Variants in CCNY observed in about 807,000 individuals in gnomAD.
CCNY encodes the protein cyclin Y.
In CCNY, 19 loss-of-function variants were observed where a neutral mutation model predicts 42.8. The observed-to-expected ratio is 0.44, with a 90% CI of 0.31 to 0.65. CCNY has a LOEUF of 0.65. Among genes scored for constraint, CCNY ranks in the 30% least tolerant of loss-of-function variants. CCNY has a pLI of 0.07. For synonymous variants in CCNY, 165 were observed against 162.7 expected, an observed-to-expected ratio of 1.01 and a Z score of -0.11; for missense variants, 370 against 437.3, an observed-to-expected ratio of 0.85 and a Z score of 1.37.
intron 1 of CCNY, among the ~76,000 whole-genome samples, chr10:35,373,164 C>A (rs1001411031): frequency 6.6e-6 from 1 of 152,134 alleles, no homozygotes; most frequent in Non-Finnish European, 1.5e-5. Flanking sequence ...GAATCCTGGC[C>A]CTGCTTCTTC....
intron 3 of CCNY, chr10:35,251,025 A>G (rs2095711616): frequency 6.6e-6 from 1 of 152,228 alleles, no homozygotes; most frequent in African/African-American, 2.4e-5. Flanking sequence ...ATCTTCTCGT[A>G]TCATTCCCAT....
chr10:35,340,065 A>T (rs1836141874), intron 1 of CCNY, among the ~76,000 whole-genome samples: 2 of 152,218 alleles, frequency 1.3e-5, no homozygotes, highest in South Asian at 4.1e-4. Context: ...CGCTCTAAGT[A>T]CTTGGATTCC....
chr10:35,300,299 C>T (rs1461183865), intron 3 of CCNY, among the ~76,000 whole-genome samples: 2 of 152,122 alleles, frequency 1.3e-5, no homozygotes, highest in African/African-American at 4.8e-5. Flanking sequence ...AAGGCTGCCA[C>T]GCCCTGCCTG....
chr10:35,511,681 G>C (rs921043467), intron 3 of CCNY, among the ~76,000 whole-genome samples: 4 of 152,222 alleles, frequency 2.6e-5, no homozygotes, highest in African/African-American at 9.7e-5. Flanking sequence ...CTACCCTGCA[G>C]TGCAGGGCTC....
intron 7 of CCNY, among the ~76,000 whole-genome samples, chr10:35,541,468 G>A (rs1372288442): frequency 2.0e-5 from 3 of 152,166 alleles, no homozygotes; most frequent in African/African-American, 7.2e-5. Flanking sequence ...ACCATTCATG[G>A]CTCTCTGCAG....
chr10:35,331,771 T>C (rs1321527026), upstream of CCNY, among the ~76,000 whole-genome samples: 2 of 152,230 alleles, frequency 1.3e-5, no homozygotes, highest in African/African-American at 4.8e-5. Flanking sequence ...CATATAAATA[T>C]ATTTCTCATG....
At chr10:35,272,338 T>C (rs1486564611) in intron 3 of CCNY, among the ~76,000 whole-genome samples, 1 of 152,140 alleles carries the variant, frequency 6.6e-6, no homozygotes, top group African/African-American at 2.4e-5. Flanking sequence ...GCAGGTTTGT[T>C]ACATAGATAA....
intron 1 of CCNY, among the ~76,000 whole-genome samples, chr10:35,351,686 T>G (rs1204124512): frequency 2.0e-5 from 3 of 152,248 alleles, no homozygotes; most frequent in Non-Finnish European, 4.4e-5. Context: ...TTAAGAATTT[T>G]TATTTTAAGT....
At chr10:35,479,021 G>A (rs1839591628) in intron 1 of CCNY, among the ~76,000 whole-genome samples, 1 of 152,146 alleles carries the variant, frequency 6.6e-6, no homozygotes, top group African/African-American at 2.4e-5. Context: ...ACCATCACTG[G>A]CCATCAGAGA....
At chr10:35,443,488 C>A (rs1435287104) in intron 1 of CCNY, among the ~76,000 whole-genome samples, 1 of 152,076 alleles carries the variant, frequency 6.6e-6, no homozygotes, top group Non-Finnish European at 1.5e-5. Context: ...ATTAGCCAGG[C>A]CTACACAGGG....
At chr10:35,468,586 G>A (rs1360813333) in intron 1 of CCNY, among the ~76,000 whole-genome samples, 4 of 151,948 alleles carry the variant, frequency 2.6e-5, no homozygotes, top group South Asian at 2.1e-4. Flanking sequence ...GTTTTTGAGG[G>A]TCTGATCTTG....
intron 7 of CCNY, among the ~76,000 whole-genome samples, chr10:35,533,161 G>A (rs1313356951): frequency 6.6e-6 from 1 of 152,028 alleles, no homozygotes; most frequent in African/African-American, 2.4e-5. Flanking sequence ...GTTTAAGGCC[G>A]CACACCCTCT....
intron 3 of CCNY, among the ~76,000 whole-genome samples, chr10:35,319,182 T>A (rs1363998587): frequency 6.6e-6 from 1 of 152,116 alleles, no homozygotes; most frequent in Admixed American, 6.5e-5. Flanking sequence ...CCAGAACTCT[T>A]GGGTTCAAGC....
chr10:35,274,945 G>A (rs1395500915), intron 3 of CCNY, among the ~76,000 whole-genome samples: 3 of 152,002 alleles, frequency 2.0e-5, no homozygotes, highest in African/African-American at 7.2e-5. Flanking sequence ...TTCTGCAGGG[G>A]CCAGACTGGT....
At chr10:35,501,657 G>T in intron 3 of CCNY, 122 bp downstream of exon 3, 1 of 847,292 alleles carries the variant, frequency 1.2e-6, no homozygotes. Flanking sequence ...GAATGTTGCA[G>T]TGTACTTATG....
At chr10:35,269,369 T>C (rs1228380488) in intron 3 of CCNY, among the ~76,000 whole-genome samples, 1 of 152,082 alleles carries the variant, frequency 6.6e-6, no homozygotes, top group Non-Finnish European at 1.5e-5. Flanking sequence ...CAGGCTGGAG[T>C]GCAGTGGCAA....
chr10:35,256,679 T>G (rs1334837391), intron 3 of CCNY, among the ~76,000 whole-genome samples: 2 of 151,252 alleles, frequency 1.3e-5, no homozygotes, highest in Non-Finnish European at 2.9e-5. Flanking sequence ...TGCAGTGAGC[T>G]GAGATCGTGC....
chr10:35,416,091 G>A (rs1189501753), intron 1 of CCNY, among the ~76,000 whole-genome samples: 1 of 152,058 alleles, frequency 6.6e-6, no homozygotes, highest in Non-Finnish European at 1.5e-5. Context: ...ATTTTTGGCA[G>A]GTTATGACAC....
At chr10:35,541,104 T>C (rs915902392) in intron 7 of CCNY, among the ~76,000 whole-genome samples, 1 of 149,906 alleles carries the variant, frequency 6.7e-6, no homozygotes, top group African/African-American at 2.4e-5. Context: ...GTTAGGTTAT[T>C]GATTTGAGAT....
Sources: gnomAD v4.1 joint callset for allele counts (sites outside exome capture counted in the v4.1 genomes callset) on GRCh38, gnomAD v4.1.1 for gene constraint, MANE v1.5 for transcripts, NCBI Gene and HGNC (gene_info 2026-07-23, HGNC 2026-07-21) for gene names.